Variants in GAS7 observed in about 807,000 individuals in gnomAD.
The protein encoded by GAS7 is growth arrest specific 7.
In GAS7, 28 loss-of-function variants were observed where a neutral mutation model predicts 71.1. The ratio of observed to expected loss-of-function variants is 0.39; its 90% CI spans 0.29 to 0.54. GAS7 has a LOEUF of 0.54. Among genes scored for constraint, GAS7 ranks in the 20% least tolerant of loss-of-function variants. The probability of loss-of-function intolerance (pLI) is 0.62; values close to 1 mark genes in which losing one functional copy is unlikely to be tolerated. For synonymous variants in GAS7, 258 were observed against 245.8 expected, an observed-to-expected ratio of 1.05 and a Z score of -0.46; for missense variants, 436 against 627.8, an observed-to-expected ratio of 0.69 and a Z score of 3.27.
chr17:10,169,398 A>G (rs2074318627), intron 1 of GAS7, among the ~76,000 whole-genome samples: 1 of 152,222 alleles, frequency 6.6e-6, no homozygotes, highest in African/African-American at 2.4e-5. Flanking sequence ...GGGTGGGGTT[A>G]CGGACAGGCA....
chr17:9,920,692 C>T (rs1050300813), intron 11 of GAS7, among the ~76,000 whole-genome samples: 1 of 152,218 alleles, frequency 6.6e-6, no homozygotes, highest in Non-Finnish European at 1.5e-5. Flanking sequence ...AGCAGCACAG[C>T]TCTCATGCAC....
rs1413427768 is a variant in GAS7, at chr17:10,034,182, G to A, written c.184-14285C>T. The A allele has an allele frequency of 1.0e-6, 1 of 984,642 alleles. No individual in the cohort carries two copies. Among genetic ancestry groups the A allele is most frequent in the East Asian group, 1.1e-4 (1 of 8,830 alleles). The allele number at this position is 984,642 out of a possible 1,614,324, so 61.0% of individuals were successfully genotyped here. ...CTGGTAAAGCTGCAGCAGTCTCGCT[G>A]GCAGATCTTGAGCAACCTCTTCCAT... On this transcript the variant is annotated intron_variant, in intron 1 of 13. Coordinates refer to ENST00000432992, the MANE Select transcript of GAS7 (RefSeq NM_201433.2). This position sits in a 1 kb window ranked among gnomAD's most constrained non-coding sequence, Gnocchi z 4.4.
At position 10,192,049 on chromosome 17, in the gene GAS7, C is replaced by T. The variant is rs151164957; in HGVS notation, c.183+6159G>A. On this transcript the variant is annotated intron_variant, in intron 1 of 13. Coordinates refer to ENST00000432992, the MANE Select transcript of GAS7 (RefSeq NM_201433.2). The stretch of plus-strand genomic sequence containing the variant: ...TAAAGATGGTAGGGAAGACAGAAAA[C>T]GTGAAGAAAGGAGGTGGGTGGATCC... Among the ~76,000 whole-genome samples, 302 of 152,106 alleles carry T rather than the reference C, an allele frequency of 2.0e-3. 1 individual carries two copies. Among genetic ancestry groups the T allele is most frequent in the South Asian group, 4.0e-3 (19 of 4,810 alleles).
At chr17:10,029,022 C>A (rs538870261) in intron 1 of GAS7, among the ~76,000 whole-genome samples, 6 of 152,298 alleles carry the variant, frequency 3.9e-5, no homozygotes, top group African/African-American at 1.4e-4. Flanking sequence ...CTGGGCCACA[C>A]GGGACGTCCT....
intron 5 of GAS7, among the ~76,000 whole-genome samples, chr17:9,957,919 T>C (rs1218276289): frequency 6.6e-6 from 1 of 152,196 alleles, no homozygotes; most frequent in Non-Finnish European, 1.5e-5. Context: ...AGATTTCAAA[T>C]CCTGATACTT....
chr17:10,005,300 TACACATATATACAC>T (rs1161963712), intron 2 of GAS7, among the ~76,000 whole-genome samples: 1 of 150,724 alleles, frequency 6.6e-6, no homozygotes, highest in Middle Eastern at 3.2e-3. Flanking sequence ...TACATGTATA[TACACATATATACAC>T]ACACATATAT....
intron 1 of GAS7, among the ~76,000 whole-genome samples, chr17:10,105,291 T>A (rs2073746405): frequency 6.6e-6 from 1 of 152,052 alleles, no homozygotes. Context: ...GCTCAGGTGG[T>A]GGCTCCTCCA....
At chr17:9,964,756 C>T (rs981846362) in intron 4 of GAS7, among the ~76,000 whole-genome samples, 27 of 152,136 alleles carry the variant, frequency 1.8e-4, no homozygotes, top group Admixed American at 1.2e-3. Flanking sequence ...CTGTTTCTCC[C>T]ACACCAGCCA....
intron 1 of GAS7, among the ~76,000 whole-genome samples, chr17:10,075,470 T>C (rs2073380401): frequency 6.6e-6 from 1 of 152,146 alleles, no homozygotes; most frequent in Non-Finnish European, 1.5e-5. Context: ...CATGGTTTCC[T>C]TTCTGCACTG....
At chr17:10,153,519 C>CA (rs11476862) in intron 1 of GAS7, among the ~76,000 whole-genome samples, 15,234 of 117,610 alleles carry the variant, frequency 0.13, 931 homozygotes, top group African/African-American at 0.17. Context: ...CTTTGACTCA[C>CA]AAAAAAAAAA....
At chr17:9,956,448 G>A (rs761097900) in intron 5 of GAS7, among the ~76,000 whole-genome samples, 42 of 152,134 alleles carry the variant, frequency 2.8e-4, no homozygotes, top group Non-Finnish European at 5.0e-4. Flanking sequence ...TTCCAGGTGA[G>A]AGTGTGGCCG....
intron 1 of GAS7, among the ~76,000 whole-genome samples, chr17:10,089,416 G>A (rs983373193): frequency 7.9e-5 from 12 of 152,036 alleles, no homozygotes; most frequent in African/African-American, 2.9e-4. Flanking sequence ...GGTCTGCAGT[G>A]TCCTCAAGAT....
At chr17:10,125,497 C>G (rs1482783449) in intron 1 of GAS7, among the ~76,000 whole-genome samples, 2 of 142,454 alleles carry the variant, frequency 1.4e-5, no homozygotes, top group Non-Finnish European at 3.0e-5. Context: ...TGCACTCCAG[C>G]CTGGGTGACA....
chr17:9,993,350 G>C (rs1483356449), intron 2 of GAS7, among the ~76,000 whole-genome samples: 1 of 152,128 alleles, frequency 6.6e-6, no homozygotes, highest in Admixed American at 6.5e-5. Context: ...TTTCTCTGAT[G>C]GCCAGTGATG....
intron 1 of GAS7, among the ~76,000 whole-genome samples, chr17:10,197,377 T>C (rs1396180776): frequency 6.7e-6 from 1 of 150,024 alleles, no homozygotes; most frequent in Non-Finnish European, 1.5e-5. Flanking sequence ...GGCGGGCTTC[T>C]AGTAAAGGGG....
chr17:10,014,490 A>C (rs558713336), intron 2 of GAS7, among the ~76,000 whole-genome samples: 3 of 152,228 alleles, frequency 2.0e-5, no homozygotes, highest in Admixed American at 6.5e-5. Flanking sequence ...AAATGCCCCA[A>C]GGCCCCTGAC....
intron 1 of GAS7, among the ~76,000 whole-genome samples, chr17:10,175,058 C>G (rs1294484510): frequency 6.6e-6 from 1 of 152,040 alleles, no homozygotes; most frequent in Non-Finnish European, 1.5e-5. Context: ...GTTGCCCAGG[C>G]TGGTCTCGAA....
intron 1 of GAS7, among the ~76,000 whole-genome samples, chr17:10,053,584 A>C (rs1248838982): frequency 6.6e-6 from 1 of 152,138 alleles, no homozygotes; most frequent in Non-Finnish European, 1.5e-5. Flanking sequence ...ATCTCTCCAG[A>C]ACAGTTGAAG....
chr17:10,111,619 G>A lies in GAS7; in HGVS notation c.183+86589C>T, dbSNP rs188957558. Among the ~76,000 whole-genome samples, 634 of 152,218 alleles carry A rather than the reference G, an allele frequency of 4.2e-3. 6 individuals carry two copies. The highest frequency in any genetic ancestry group is 0.014 in the African/African-American group (565 of 41,542). On this transcript the variant is annotated intron_variant, in intron 1 of 13. Coordinates refer to ENST00000432992, the MANE Select transcript of GAS7 (RefSeq NM_201433.2). Reference sequence around the variant, plus strand: ...GAATCGCTTGAACCCAGGAGGCAGAGGGTACAGTGAGCCGAGATCACGCCA... The same window carrying A: ...GAATCGCTTGAACCCAGGAGGCAGAAGGTACAGTGAGCCGAGATCACGCCA...
Sources: gnomAD v4.1 joint callset for allele counts (sites outside exome capture counted in the v4.1 genomes callset) on GRCh38, gnomAD v4.1.1 for gene constraint, Gnocchi (gnomAD v3.1) non-coding constraint, MANE v1.5 for transcripts, NCBI Gene and HGNC (gene_info 2026-07-23, HGNC 2026-07-21) for gene names.